Variants in SPATA6 observed in about 807,000 individuals in gnomAD.
SPATA6 encodes spermatogenesis associated 6.
In SPATA6, 56 loss-of-function variants were observed where a neutral mutation model predicts 65.3. That is an observed-to-expected ratio of 0.86 (90% CI 0.69 to 1.07). The LOEUF is 1.07. Among genes scored for constraint, SPATA6 ranks in the 50% least tolerant of loss-of-function variants. The pLI is 0.00. For missense variants in SPATA6, 590 were observed against 594.8 expected (o/e 0.99, Z 0.08); for synonymous variants, 199 against 213.2 (o/e 0.93, Z 0.58).
Position 48,465,037 on chromosome 1 carries a change from A to G in SPATA6, c.51+6921T>C, listed in dbSNP as rs376377511. 1.4e-4 allele frequency among the ~76,000 whole-genome samples: 21 copies of G among 152,198 alleles called. 1 individual carries two copies. The highest frequency in any genetic ancestry group is 5.1e-4 in the African/African-American group (21 of 41,448). On this transcript the variant is annotated intron_variant, in intron 1 of 12. Coordinates refer to ENST00000371847, the MANE Select transcript of SPATA6 (RefSeq NM_019073.4). ...AACATGCAGTACTAAAAAGAGCAAA[A>G]ACAAAGTAAAATATAAACTTCAACT...
chr1:48,261,443 T>C, the SPATA6 span, among the ~76,000 whole-genome samples: 2 of 151,986 alleles, frequency 1.3e-5, no homozygotes, highest in African/African-American at 4.8e-5. Context: ...TTACGAAGAA[T>C]GTAAAACCTA....
chr1:48,427,614 C>A (rs1653964088), intron 3 of SPATA6, among the ~76,000 whole-genome samples: 1 of 151,916 alleles, frequency 6.6e-6, no homozygotes, highest in Non-Finnish European at 1.5e-5. Context: ...TAAGTAAAAA[C>A]CAAATTTTAA....
At chr1:48,418,686 C>T (rs1347081019) in intron 3 of SPATA6, among the ~76,000 whole-genome samples, 1 of 150,340 alleles carries the variant, frequency 6.7e-6, no homozygotes, top group Non-Finnish European at 1.5e-5. Context: ...ACTGCCACCG[C>T]ACTCCAGCCT....
chr1:48,427,829 C>T (rs1348010768), intron 3 of SPATA6, among the ~76,000 whole-genome samples: 1 of 152,142 alleles, frequency 6.6e-6, no homozygotes, highest in Non-Finnish European at 1.5e-5. Flanking sequence ...CCAGGTAGTG[C>T]ACATAGCACC....
At chr1:48,467,353 T>C (rs1466631967) in intron 1 of SPATA6, among the ~76,000 whole-genome samples, 1 of 151,938 alleles carries the variant, frequency 6.6e-6, no homozygotes, top group Non-Finnish European at 1.5e-5. Context: ...CAACAGGCAA[T>C]CAAAGATAAC....
intron 9 of SPATA6, 63 bp from the exon 10 acceptor site, chr1:48,359,833 A>G: frequency 7.9e-7 from 1 of 1,268,414 alleles, no homozygotes; most frequent in Non-Finnish European, 1.1e-6. Context: ...ATAACATATT[A>G]TATAGTAATA....
intron 3 of SPATA6, chr1:48,436,329 T>C: frequency 6.2e-7 from 1 of 1,612,676 alleles, no homozygotes. Context: ...ATATTACAAC[T>C]TACTGGACAG....
intron 11 of SPATA6, among the ~76,000 whole-genome samples, chr1:48,320,946 C>T (rs1472922857): frequency 6.6e-6 from 1 of 152,122 alleles, no homozygotes; most frequent in African/African-American, 2.4e-5. Context: ...AAGTTGTCAT[C>T]AGTTTAAAAC....
downstream of SPATA6, among the ~76,000 whole-genome samples, chr1:48,291,874 T>C (rs371752030): frequency 6.6e-6 from 1 of 152,214 alleles, no homozygotes; most frequent in East Asian, 1.9e-4. Flanking sequence ...TAGCCCTGCC[T>C]CCTAGCCACC....
intron 3 of SPATA6, among the ~76,000 whole-genome samples, chr1:48,438,611 T>C (rs1338503681): frequency 6.6e-6 from 1 of 152,140 alleles, no homozygotes; most frequent in Non-Finnish European, 1.5e-5. Context: ...TGATCGGAAC[T>C]CTCAAAGTTA....
At position 48,297,605 on chromosome 1, in the gene SPATA6, T is replaced by C. The variant is rs2148631250; in HGVS notation, c.*1108A>G. ...GAAAATATTATCTTTTAGGCAACTC[T>C]TCAAGACTATAAGCCCAGTTCACTT... On this transcript the variant is annotated 3_prime_UTR_variant, in exon 13 of 13. Transcript: ENST00000371847. 1 of 152,314 alleles carries C rather than the reference T, an allele frequency of 6.6e-6. No individual in the cohort carries two copies. Among genetic ancestry groups the C allele is most frequent in the African/African-American group, 2.4e-5 (1 of 41,578 alleles). 9.4% of individuals were successfully genotyped at this position (152,314 alleles called of 1,614,324 possible).
At chr1:48,462,706 G>C (rs1657537407) in intron 1 of SPATA6, among the ~76,000 whole-genome samples, 1 of 152,190 alleles carries the variant, frequency 6.6e-6, no homozygotes, top group Admixed American at 6.5e-5. Context: ...AATTGGATAA[G>C]TATCAGGACA....
chr1:48,283,697 A>AAAAGAAAGAAAGAAAGAAAGAAAGAATG, the SPATA6 span, among the ~76,000 whole-genome samples: 1 of 12,012 alleles, frequency 8.3e-5, no homozygotes, highest in African/African-American at 1.8e-4. Flanking sequence ...AAAAAAAAAA[A>AAAAGAAAGAAAGAAAGAAAGAAAGAATG]AAAGAAAGAA....
intron 11 of SPATA6, among the ~76,000 whole-genome samples, chr1:48,318,706 T>C (rs902079878): frequency 6.6e-6 from 1 of 152,152 alleles, no homozygotes; most frequent in Non-Finnish European, 1.5e-5. Context: ...TCCAAAATGA[T>C]CTAGAGAGCT....
intron 1 of SPATA6, among the ~76,000 whole-genome samples, chr1:48,459,181 G>A (rs1657231810): frequency 7.0e-6 from 1 of 141,898 alleles, no homozygotes; most frequent in Non-Finnish European, 1.5e-5. Flanking sequence ...CACCAGCCTA[G>A]GCAACACTGC....
chr1:48,317,569 C>G (rs899767570), intron 11 of SPATA6, among the ~76,000 whole-genome samples: 1 of 151,948 alleles, frequency 6.6e-6, no homozygotes, highest in Admixed American at 6.5e-5. Context: ...GGAGATATAC[C>G]TAATGTTAAA....
chr1:48,460,454 A>C (rs185508807), intron 1 of SPATA6, among the ~76,000 whole-genome samples: 1 of 152,318 alleles, frequency 6.6e-6, no homozygotes, highest in Non-Finnish European at 1.5e-5. Context: ...ATCTGATATC[A>C]AACATACTTG....
intron 11 of SPATA6, among the ~76,000 whole-genome samples, chr1:48,338,168 T>C (rs547041791): frequency 6.6e-6 from 1 of 152,010 alleles, no homozygotes; most frequent in Non-Finnish European, 1.5e-5. Context: ...ATATATACAA[T>C]TGCAATGGAA....
intron 3 of SPATA6, among the ~76,000 whole-genome samples, chr1:48,445,117 C>T (rs1008918552): frequency 6.6e-6 from 1 of 152,022 alleles, no homozygotes; most frequent in Non-Finnish European, 1.5e-5. Flanking sequence ...TAGAAGATTC[C>T]ACATTGGTTC....
Sources: allele counts gnomAD v4.1 joint callset (sites outside exome capture counted in the v4.1 genomes callset), GRCh38; gene constraint gnomAD v4.1.1; transcripts MANE v1.5; gene names NCBI Gene and HGNC (gene_info 2026-07-23, HGNC 2026-07-21).